Variants in C3orf52 observed in about 807,000 individuals in gnomAD.
The protein encoded by C3orf52 is chromosome 3 open reading frame 52, also known as TPA-induced transmembrane protein.
In C3orf52, 22 loss-of-function variants were observed where a neutral mutation model predicts 24.8. The observed-to-expected ratio is 0.89, with a 90% CI of 0.63 to 1.27. The LOEUF (loss-of-function observed/expected upper bound fraction) is 1.27. Ranked by LOEUF, C3orf52 falls within the 50% of genes most tolerant of loss-of-function variation. C3orf52 has a pLI of 0.00. For synonymous variants in C3orf52, 93 were observed against 100.2 expected (o/e 0.93, Z 0.43); for missense variants, 265 against 260.7 (o/e 1.02, Z -0.11).
chr3:112,111,224 C>A (rs758591391), intron 4 of C3orf52, among the ~76,000 whole-genome samples: 1 of 152,102 alleles, frequency 6.6e-6, no homozygotes, highest in Non-Finnish European at 1.5e-5. Context: ...CAAAACAGAC[C>A]CAGTGTACAT....
chr3:112,127,910 C>T (rs2074365769), intron 4 of C3orf52: 2 of 866,096 alleles, frequency 2.3e-6, no homozygotes, highest in Non-Finnish European at 1.9e-6. Context: ...ATCTGGGCTA[C>T]TGACAGGCTT....
downstream of C3orf52, chr3:112,130,070 G>T: frequency 5.3e-6 from 1 of 190,032 alleles, no homozygotes; most frequent in Non-Finnish European, 1.1e-5. Context: ...GGGGCATGTG[G>T]TCACTTCAGA....
At chr3:112,105,037 A>G (rs188226129) in intron 3 of C3orf52, among the ~76,000 whole-genome samples, 2 of 152,194 alleles carry the variant, frequency 1.3e-5, no homozygotes, top group East Asian at 3.9e-4. Context: ...ATGAATGTTC[A>G]TTTTTCATTT....
In C3orf52 at chr3:112,102,847, T is replaced by C; in HGVS notation, c.278T>C (p.Val93Ala). Residue 93 changes from valine to alanine, a missense_variant, in exon 3 of 6, where the codon GTT (valine) becomes GCT (alanine). Physicochemically the swap from Val to Ala is moderately conservative, Grantham distance 64. Coordinates refer to ENST00000264848, the MANE Select transcript of C3orf52 (RefSeq NM_024616.3). ...CCCCTACTTTCTTTAGTAACTTATG[T>C]TGATGAAGATGAAAATGAAATACTT... is the stretch of plus-strand genomic sequence containing the variant. Reference protein sequence around the residue: ...IGLCLAAVTYVDEDENEILEL... With the variant: ...IGLCLAAVTYADEDENEILEL... The C allele has an allele frequency of 1.3e-6, 2 of 1,564,400 alleles. No individual in the cohort carries two copies. The highest frequency in any genetic ancestry group is 1.7e-6 in the Non-Finnish European group (2 of 1,153,268).
chr3:112,122,440 TA>T (rs2074218183), downstream of C3orf52: 1 of 152,182 alleles, frequency 6.6e-6, no homozygotes, highest in Non-Finnish European at 1.5e-5. Context: ...GTTTAGAGGA[TA>T]GATATAATTT....
chr3:112,106,226 G>A (rs536257373), intron 3 of C3orf52, among the ~76,000 whole-genome samples: 115 of 151,116 alleles, frequency 7.6e-4, no homozygotes, highest in African/African-American at 2.7e-3. Flanking sequence ...GAGGATGGGG[G>A]TGGAGGTGGG....
chr3:112,130,355 C>G, downstream of C3orf52: 1 of 993,736 alleles, frequency 1.0e-6, no homozygotes, highest in South Asian at 1.3e-5. Flanking sequence ...AAACAGGGCC[C>G]TCTCTCACTG....
intron 1 of C3orf52, among the ~76,000 whole-genome samples, chr3:112,088,075 C>T (rs1038852887): frequency 1.1e-4 from 17 of 152,198 alleles, no homozygotes; most frequent in Non-Finnish European, 2.1e-4. Context: ...GTTCTCATGA[C>T]GTCCTTGTTA....
intron 2 of C3orf52, among the ~76,000 whole-genome samples, chr3:112,097,094 A>G (rs2073933342): frequency 6.6e-6 from 1 of 152,182 alleles, no homozygotes. Flanking sequence ...CCTTCCTCAT[A>G]AGGAATTATA....
intron 1 of C3orf52, among the ~76,000 whole-genome samples, chr3:112,089,877 T>C (rs921488999): frequency 7.9e-5 from 12 of 152,320 alleles, no homozygotes; most frequent in Admixed American, 3.3e-4. Context: ...GCCCTGAAAA[T>C]TCTTGAGCCA....
chr3:112,107,432 C>T lies in C3orf52; in HGVS notation c.397-2111C>T, dbSNP rs556446353. ...GTTTTCTAAATGACTGTCAGCCTAT[C>T]GGCAACATCCTGTGCATTGGGGCTT... On this transcript the variant is annotated intron_variant, in intron 3 of 5. Transcript: ENST00000264848. Among the ~76,000 whole-genome samples the T allele has an allele frequency of 7.2e-5, 11 of 152,334 alleles. No homozygotes were observed. The East Asian group carries it at 2.1e-3, about 29-fold the overall frequency.
At chr3:112,119,746 T>C (rs936281723), downstream of C3orf52, among the ~76,000 whole-genome samples, 6 of 152,370 alleles carry the variant, frequency 3.9e-5, no homozygotes, top group East Asian at 1.9e-4. Context: ...TAACAATTGC[T>C]GCATTGTTGG....
At position 112,109,569 on chromosome 3, in the gene C3orf52, C is replaced by T. The variant is rs563854279; in HGVS notation, c.423C>T (p.Pro141=). ...TCACAGATGTGTACAGTACATCGCCCTCTCTGGGTCGTTATTTTACTTCAG... is the reference window on the plus strand; with the variant it reads ...TCACAGATGTGTACAGTACATCGCCTTCTCTGGGTCGTTATTTTACTTCAG... The part of the protein sequence containing the change: ...ERLTDVYSTS[P]SLGRYFTSVE... Residue 141 remains proline (P), a synonymous_variant, in exon 4 of 6, where the codon CCC becomes CCT. Coordinates refer to ENST00000264848, the MANE Select transcript of C3orf52 (RefSeq NM_024616.3). 2.0e-5 allele frequency: 32 copies of T among 1,602,488 alleles called. No homozygotes were observed. The South Asian group carries it at 3.5e-4, about 18-fold the overall frequency.
downstream of C3orf52, chr3:112,133,745 A>G (rs1181496878): frequency 6.6e-6 from 1 of 152,266 alleles, no homozygotes; most frequent in Non-Finnish European, 1.5e-5. Flanking sequence ...TGACAATATC[A>G]AGTATGGCAA....
chr3:112,096,065 A>G (rs2073923772), intron 2 of C3orf52, among the ~76,000 whole-genome samples: 1 of 152,176 alleles, frequency 6.6e-6, no homozygotes, highest in African/African-American at 2.4e-5. Context: ...TTCCTCAGGA[A>G]CTATATTTGC....
At position 112,086,451 on chromosome 3, in the gene C3orf52, T is replaced by G. The variant is rs2073826279; in HGVS notation, c.44T>G (p.Leu15Arg). The G allele has an allele frequency of 1.9e-6, 3 of 1,551,124 alleles. No individual in the cohort carries two copies. Among genetic ancestry groups the G allele is most frequent in the Non-Finnish European group, 2.6e-6 (3 of 1,146,746 alleles). ...QPSQPVDELE[L>R]SVLERQPEEN... Reference sequence around the variant, plus strand: ...TCACAGCCAGTAGACGAGCTGGAGCTCTCGGTGCTCGAGCGGCAGCCAGAA... The same window carrying G: ...TCACAGCCAGTAGACGAGCTGGAGCGCTCGGTGCTCGAGCGGCAGCCAGAA... Residue 15 changes from leucine (L) to arginine (R), a missense_variant, in exon 1 of 6, where the codon CTC becomes CGC. Leu to Arg is a moderately radical substitution (Grantham distance 102). Transcript: ENST00000264848.
the C3orf52 span, among the ~76,000 whole-genome samples, chr3:112,136,358 T>TA: frequency 6.6e-6 from 1 of 152,216 alleles, no homozygotes; most frequent in East Asian, 1.9e-4. Context: ...TATTCAGAAA[T>TA]AAAAGTGTTT....
chr3:112,117,989 AT>A lies in C3orf52; in HGVS notation c.*1346del, dbSNP rs1465987544. 1.3e-5 allele frequency: 2 copies of A among 152,146 alleles called. No individual in the cohort carries two copies. The highest frequency in any genetic ancestry group is 2.9e-5 in the Non-Finnish European group (2 of 68,040). The allele number at this position is 152,146 out of a possible 1,614,324, so 9.4% of individuals were successfully genotyped here. On this transcript the variant is annotated 3_prime_UTR_variant, in exon 6 of 6. Transcript: ENST00000264848. ...TGACCCAGGACTCTGGATAATGTGAATTTGCTTTCCTATTTAACTAGAAGAT... is the reference window on the plus strand; with the variant it reads ...TGACCCAGGACTCTGGATAATGTGAATTGCTTTCCTATTTAACTAGAAGAT...
downstream of C3orf52, among the ~76,000 whole-genome samples, chr3:112,120,520 G>T (rs369721107): frequency 2.6e-5 from 4 of 152,182 alleles, no homozygotes; most frequent in African/African-American, 9.7e-5. Flanking sequence ...TACGTGAAAC[G>T]GAAACCACAA....
Sources: allele counts gnomAD v4.1 joint callset (sites outside exome capture counted in the v4.1 genomes callset), GRCh38; gene constraint gnomAD v4.1.1; transcripts MANE v1.5; gene names NCBI Gene and HGNC (gene_info 2026-07-23, HGNC 2026-07-21).